The following GRIA4 variants were observed in gnomAD, a reference collection of about 807,000 sequenced individuals.
GRIA4 encodes the protein glutamate receptor 4.
A neutral mutation model predicts 104.0 loss-of-function variants in GRIA4; 34 were observed. The observed-to-expected ratio is 0.33, with a 90% CI of 0.25 to 0.44. The LOEUF (loss-of-function observed/expected upper bound fraction) is 0.44, where lower values mean the gene tolerates loss of function less well. Ranked by LOEUF, GRIA4 falls within the 20% of genes least tolerant of loss-of-function variation. The probability of loss-of-function intolerance (pLI) is 1.00; values close to 1 mark genes in which losing one functional copy is unlikely to be tolerated. For synonymous variants in GRIA4, 386 were observed against 381.9 expected (o/e 1.01, Z -0.13); for missense variants, 750 against 1,096.5 (o/e 0.68, Z 4.46).
At position 105,678,704 on chromosome 11, in the gene GRIA4, A is replaced by C. The variant is rs555005422; in HGVS notation, c.247+66270A>C. Among the ~76,000 whole-genome samples, 34 of 152,238 alleles carry C rather than the reference A, an allele frequency of 2.2e-4. No homozygotes were observed. The South Asian group carries it at 6.8e-3, about 31-fold the overall frequency. On this transcript the variant is annotated intron_variant, in intron 3 of 16. Coordinates refer to ENST00000282499, the MANE Select transcript of GRIA4 (RefSeq NM_000829.4). ...TCTCATTGAAATTGCCATTCAGTTG[A>C]TGTTAGTGAAGCACATCAAGAAATT...
At chr11:105,896,610 A>T (rs1228122459) in intron 6 of GRIA4, among the ~76,000 whole-genome samples, 3 of 151,900 alleles carry the variant, frequency 2.0e-5, no homozygotes, top group African/African-American at 7.2e-5. Context: ...GAAAGGTAGG[A>T]GTTCAGTCTT....
intron 3 of GRIA4, among the ~76,000 whole-genome samples, chr11:105,716,773 G>A (rs1016573555): frequency 1.3e-5 from 2 of 151,898 alleles, no homozygotes; most frequent in African/African-American, 4.8e-5. Flanking sequence ...TGTAGCAGGG[G>A]GCAAACATTA....
intron 14 of GRIA4, among the ~76,000 whole-genome samples, chr11:105,966,968 T>C (rs1191909922): frequency 1.3e-5 from 2 of 152,182 alleles, no homozygotes; most frequent in Non-Finnish European, 2.9e-5. Context: ...GAGTAATAAC[T>C]TATTTTATAT....
At chr11:105,701,113 G>A (rs2028816) in intron 3 of GRIA4, among the ~76,000 whole-genome samples, 72,450 of 151,880 alleles carry the variant, frequency 0.48, 17,878 homozygotes, top group Admixed American at 0.58. Flanking sequence ...TAGTTTGAAA[G>A]TTTTTCTTGG....
At chr11:105,698,964 A>AT (rs1953386764) in intron 3 of GRIA4, among the ~76,000 whole-genome samples, 5 of 152,142 alleles carry the variant, frequency 3.3e-5, no homozygotes, top group Non-Finnish European at 7.4e-5. Flanking sequence ...GAGCTACCCA[A>AT]TTGCTGAATA....
chr11:105,780,113 A>G (rs1258345878), intron 4 of GRIA4, among the ~76,000 whole-genome samples: 1 of 152,048 alleles, frequency 6.6e-6, no homozygotes, highest in East Asian at 1.9e-4. Flanking sequence ...ATCTTCCCCC[A>G]CGCTTTTAAG....
At chr11:105,820,231 T>A (rs1943528715) in intron 4 of GRIA4, among the ~76,000 whole-genome samples, 1 of 152,032 alleles carries the variant, frequency 6.6e-6, no homozygotes, top group Non-Finnish European at 1.5e-5. Context: ...ACTGAAATAA[T>A]CCTCTTTTCA....
chr11:105,752,986 T>C lies in GRIA4; in HGVS notation c.253T>C (p.Ser85Pro). ...NSFAVTNAFCSQYSRGVFAIF... is the reference protein window; with the variant it reads ...NSFAVTNAFCPQYSRGVFAIF... ...TTTTCTTCCTCTTGTTTCAGTCTGT[T>C]CCCAGTATTCTAGAGGAGTATTTGC... is the stretch of plus-strand genomic sequence containing the variant. Residue 85 changes from serine (S) to proline (P), a missense_variant, in exon 4 of 17, where the codon TCC (serine) becomes CCC (proline). Ser to Pro is a moderately conservative substitution (Grantham distance 74). Around this residue, in one of 3 missense-constraint regions of GRIA4, gnomAD observed 410 missense variants for 502.7 expected, o/e 0.82. Transcript: ENST00000282499. 2 of 1,613,108 alleles carry C rather than the reference T, an allele frequency of 1.2e-6. No individual in the cohort carries two copies. The highest frequency in any genetic ancestry group is 1.7e-6 in the Non-Finnish European group (2 of 1,179,268).
intron 4 of GRIA4, among the ~76,000 whole-genome samples, chr11:105,812,529 T>C (rs1943217680): frequency 6.6e-6 from 1 of 152,142 alleles, no homozygotes; most frequent in South Asian, 2.1e-4. Flanking sequence ...AAATTTTTTA[T>C]CTTTGAAATA....
At chr11:105,790,560 T>G (rs1390739438) in intron 4 of GRIA4, among the ~76,000 whole-genome samples, 1 of 152,192 alleles carries the variant, frequency 6.6e-6, no homozygotes, top group African/African-American at 2.4e-5. Flanking sequence ...TAACAAAACA[T>G]GAAGCATCCC....
chr11:105,794,574 C>A (rs1942401601), intron 4 of GRIA4, among the ~76,000 whole-genome samples: 1 of 128,202 alleles, frequency 7.8e-6, no homozygotes. Context: ...CTATATCTAT[C>A]TATATATATC....
intron 4 of GRIA4, among the ~76,000 whole-genome samples, chr11:105,798,340 G>A (rs760748272): frequency 6.6e-6 from 1 of 152,138 alleles, no homozygotes; most frequent in Admixed American, 6.6e-5. Context: ...CTGTGGAAGA[G>A]ATTGTTGGGC....
chr11:105,746,462 C>T (rs986326755), intron 3 of GRIA4, among the ~76,000 whole-genome samples: 5 of 150,820 alleles, frequency 3.3e-5, no homozygotes, highest in African/African-American at 4.9e-5. Flanking sequence ...AAAAAAGAGG[C>T]AAGGTTGTTA....
chr11:105,806,605 C>G (rs1053572039), intron 4 of GRIA4, among the ~76,000 whole-genome samples: 2 of 151,640 alleles, frequency 1.3e-5, no homozygotes, highest in Non-Finnish European at 3.0e-5. Context: ...AGACACAAAA[C>G]AGTTTAGAGA....
At chr11:105,634,976 TCTATGTAA>T (rs1951165542) in intron 3 of GRIA4, among the ~76,000 whole-genome samples, 1 of 152,180 alleles carries the variant, frequency 6.6e-6, no homozygotes, top group South Asian at 2.1e-4. Context: ...GATACCTTTG[TCTATGTAA>T]CTATGATGAT....
chr11:105,736,333 C>T (rs891313777), intron 3 of GRIA4, among the ~76,000 whole-genome samples: 9 of 151,936 alleles, frequency 5.9e-5, no homozygotes, highest in African/African-American at 1.5e-4. Context: ...TAATGGTAGG[C>T]GGATATGAGA....
chr11:105,776,580 T>C (rs984504070), intron 4 of GRIA4, among the ~76,000 whole-genome samples: 1 of 152,164 alleles, frequency 6.6e-6, no homozygotes, highest in African/African-American at 2.4e-5. Context: ...GTAAACTGTT[T>C]AGCGAGTGCC....
intron 6 of GRIA4, among the ~76,000 whole-genome samples, chr11:105,893,853 G>A (rs1164649548): frequency 3.9e-5 from 6 of 152,194 alleles, no homozygotes; most frequent in Non-Finnish European, 8.8e-5. Flanking sequence ...TACTCTGATA[G>A]AAGCAAACCA....
At chr11:105,831,070 C>T (rs1943956918) in intron 4 of GRIA4, among the ~76,000 whole-genome samples, 1 of 151,906 alleles carries the variant, frequency 6.6e-6, no homozygotes, top group Non-Finnish European at 1.5e-5. Flanking sequence ...TTTGTGATGA[C>T]TTGACTCAGC....
Sources: allele counts gnomAD v4.1 joint callset (sites outside exome capture counted in the v4.1 genomes callset), GRCh38; gene constraint gnomAD v4.1.1; regional missense constraint gnomAD v4.1.1; transcripts MANE v1.5; gene names NCBI Gene and HGNC (gene_info 2026-07-23, HGNC 2026-07-21).